WDR62: variants seen among roughly 807,000 people sequenced by gnomAD.
WDR62 encodes WD repeat-containing protein 62.
WDR62 carries 112 observed loss-of-function variants against 160.6 expected under a neutral mutation model. That is an observed-to-expected ratio of 0.70 (90% CI 0.60 to 0.82). WDR62 has a LOEUF of 0.82. Among genes scored for constraint, WDR62 ranks in the 40% least tolerant of loss-of-function variants. The probability of loss-of-function intolerance (pLI) is 0.00; values close to 1 mark genes in which losing one functional copy is unlikely to be tolerated. For missense variants in WDR62, 1,819 were observed against 1,983.8 expected (o/e 0.92, Z 1.58); for synonymous variants, 792 against 815.1 (o/e 0.97, Z 0.48).
chr19:36,056,712 A>G (rs1970391276), intron 1 of WDR62, among the ~76,000 whole-genome samples: 1 of 152,190 alleles, frequency 6.6e-6, no homozygotes, highest in Non-Finnish European at 1.5e-5. Context: ...AGTGGCTAAG[A>G]GCACAGACTG....
intron 13 of WDR62, among the ~76,000 whole-genome samples, chr19:36,087,207 C>CA (rs968553757): frequency 1.9e-3 from 243 of 128,948 alleles, no homozygotes; most frequent in African/African-American, 6.5e-3. Context: ...GACCCTGTCT[C>CA]AAAAAAAAAA....
intron 1 of WDR62, among the ~76,000 whole-genome samples, chr19:36,058,414 G>T (rs754677391): frequency 2.0e-5 from 3 of 152,162 alleles, no homozygotes; most frequent in African/African-American, 7.2e-5. Flanking sequence ...CGCGGCATTC[G>T]CCCCCTTCCC....
At chr19:36,089,573 C>G (rs1972464468) in intron 15 of WDR62, among the ~76,000 whole-genome samples, 1 of 152,206 alleles carries the variant, frequency 6.6e-6, no homozygotes, top group Non-Finnish European at 1.5e-5. Context: ...TCCCAAGTAG[C>G]TGGAATTACA....
intron 12 of WDR62, 40 bp from the exon 13 acceptor site, chr19:36,086,647 C>A (rs770830708): frequency 6.3e-7 from 1 of 1,576,266 alleles, no homozygotes; most frequent in South Asian, 1.2e-5. Context: ...AGGGCACCCA[C>A]GCAGCCTTCA....
intron 21 of WDR62, 31 bp from the exon 22 acceptor site, chr19:36,099,368 C>G: frequency 1.3e-6 from 2 of 1,595,526 alleles, no homozygotes; most frequent in Non-Finnish European, 1.7e-6. Context: ...GAGCACTCAG[C>G]CAGTTGCCTG....
intron 21 of WDR62, among the ~76,000 whole-genome samples, chr19:36,098,415 A>C (rs1973107916): frequency 6.6e-6 from 1 of 151,966 alleles, no homozygotes; most frequent in East Asian, 1.9e-4. Context: ...AAATACAAAA[A>C]TTAGCTGGGC....
intron 3 of WDR62, chr19:36,061,938 G>GCTTTTTTTT (rs562955784): frequency 4.0e-5 from 6 of 151,458 alleles, no homozygotes; most frequent in Non-Finnish European, 8.8e-5. Flanking sequence ...ACAAATGTTA[G>GCTTTTTTTT]CTTTTTTTTC....
Position 36,055,102 on chromosome 19 carries a change from G to C in WDR62, c.131G>C (p.Arg44Pro). The change falls in exon 1 of 32, where the codon CGG becomes CCG. Residue 44 changes from arginine to proline, a missense_variant. Physicochemically the swap from Arg to Pro is moderately radical, Grantham distance 103. Around this residue, in one of 3 missense-constraint regions of WDR62, gnomAD observed 115 missense variants for 92.4 expected, o/e 1.24. Transcript: ENST00000401500. Reference protein sequence around the residue: ...PPPAPPICLRRRTRLSTASEE... With the variant: ...PPPAPPICLRPRTRLSTASEE... ...CCCGCCCCACCAATCTGCCTACGGCGGCGGACGCGACTCTCGACGGCCTCC... is the reference window on the plus strand; with the variant it reads ...CCCGCCCCACCAATCTGCCTACGGCCGCGGACGCGACTCTCGACGGCCTCC... 6.2e-7 allele frequency: 1 copy of C among 1,606,290 alleles called. No homozygotes were observed. The highest frequency in any genetic ancestry group is 1.3e-5 in the African/African-American group (1 of 74,818).
At chr19:36,097,817 G>A (rs1264090125) in intron 21 of WDR62, among the ~76,000 whole-genome samples, 3 of 152,000 alleles carry the variant, frequency 2.0e-5, no homozygotes, top group South Asian at 2.1e-4. Context: ...CAGGGAGGTC[G>A]AGGATGCAGG....
chr19:36,107,364 C>T (rs1182246673), downstream of WDR62, among the ~76,000 whole-genome samples: 1 of 152,162 alleles, frequency 6.6e-6, no homozygotes, highest in East Asian at 1.9e-4. Context: ...GAGCTAGAAG[C>T]TGCCCCGATA....
At chr19:36,071,405 C>T (rs1018356100) in intron 7 of WDR62, 151 bp from the exon 8 acceptor site, 12 of 902,702 alleles carry the variant, frequency 1.3e-5, no homozygotes, top group Non-Finnish European at 2.0e-5. Context: ...ATCCTGATTT[C>T]ACAAATCTTA....
In WDR62 at chr19:36,065,988, T is replaced by C; in HGVS notation, c.363T>C (p.Pro121=). Residue 121 remains proline (P), a synonymous_variant, in exon 4 of 32, where the codon CCT becomes CCC. Transcript: ENST00000401500. The stretch of plus-strand genomic sequence containing the variant: ...CTCTCAGTGCTCTGGCCTTCTCCCC[T>C]GATGGGAAGTACATAGTGACAGGGG... ...RKSLSALAFS[P]DGKYIVTGEN... The C allele has an allele frequency of 6.2e-7, 1 of 1,614,144 alleles. No homozygotes were observed. The highest frequency in any genetic ancestry group is 1.7e-5 in the Admixed American group (1 of 60,022).
rs760973321 is a variant in WDR62 at position 36,105,066 on chromosome 19, G to A, written c.*38G>A. ...TCCACCGCAGCCCTGCTGCTTCTGA[G>A]GACTTAGGTATTTTAAGCGAATAAA... is the stretch of plus-strand genomic sequence containing the variant. On this transcript the variant is annotated 3_prime_UTR_variant, in exon 32 of 32. Transcript: ENST00000401500. The A allele has an allele frequency of 6.3e-7, 1 of 1,581,158 alleles. No homozygotes were observed. The highest frequency in any genetic ancestry group is 8.5e-7 in the Non-Finnish European group (1 of 1,171,094).
intron 7 of WDR62, among the ~76,000 whole-genome samples, chr19:36,069,166 G>A (rs1223888459): frequency 1.4e-4 from 20 of 144,780 alleles, no homozygotes; most frequent in Non-Finnish European, 2.1e-4. Context: ...CTGGCCGGGC[G>A]GGGGCTGACC....
At chr19:36,070,339 A>G (rs929630000) in intron 7 of WDR62, 16 of 151,936 alleles carry the variant, frequency 1.1e-4, no homozygotes, top group African/African-American at 3.1e-4. Context: ...TTGTATTTTT[A>G]GTAGAGACAG....
intron 12 of WDR62, among the ~76,000 whole-genome samples, chr19:36,085,968 C>T (rs1427989369): frequency 6.6e-6 from 1 of 152,108 alleles, no homozygotes; most frequent in Non-Finnish European, 1.5e-5. Flanking sequence ...CAAGCGTGAA[C>T]CACCATGCCC....
At position 36,102,105 on chromosome 19, in the gene WDR62, G is replaced by A; in HGVS notation, c.3174G>A (p.Lys1058=). ...SSLPQTPEQE[K]FLRHHFETLT... ...TACCCCAGACTCCGGAGCAGGAGAAGTTCCTCCGCCACCACTTTGAGACAC... is the reference window on the plus strand; with the variant it reads ...TACCCCAGACTCCGGAGCAGGAGAAATTCCTCCGCCACCACTTTGAGACAC... The change falls in exon 26 of 32, where the codon AAG becomes AAA. Residue 1058 remains lysine, a synonymous_variant. Coordinates refer to ENST00000401500, the MANE Select transcript of WDR62 (RefSeq NM_001083961.2). 6.2e-7 allele frequency: 1 copy of A among 1,614,168 alleles called. No individual in the cohort carries two copies. The highest frequency in any genetic ancestry group is 1.6e-4 in the Middle Eastern group (1 of 6,062).
rs1175384480 is a variant in WDR62 at position 36,105,067 on chromosome 19, G to A, written c.*39G>A. ...CCACCGCAGCCCTGCTGCTTCTGAG[G>A]ACTTAGGTATTTTAAGCGAATAAAC... On this transcript the variant is annotated 3_prime_UTR_variant, in exon 32 of 32. Transcript: ENST00000401500. 5 of 1,580,364 alleles carry A rather than the reference G, an allele frequency of 3.2e-6. No homozygotes were observed. The highest frequency in any genetic ancestry group is 4.3e-6 in the Non-Finnish European group (5 of 1,170,658).
chr19:36,073,728 G>A, intron 9 of WDR62, 197 bp downstream of exon 9: 1 of 669,404 alleles, frequency 1.5e-6, no homozygotes, highest in Non-Finnish European at 2.7e-6. Context: ...AAGGAAACCT[G>A]GAAACATCAT....
Sources: gnomAD v4.1 joint callset for allele counts (sites outside exome capture counted in the v4.1 genomes callset) on GRCh38, gnomAD v4.1.1 for gene constraint, gnomAD v4.1.1 regional missense constraint, MANE v1.5 for transcripts, NCBI Gene and HGNC (gene_info 2026-07-23, HGNC 2026-07-21) for gene names.